The following USH2A variants were observed in gnomAD, a reference collection of about 807,000 sequenced individuals.
USH2A encodes the protein usherin, also known as Usher syndrome 2A (autosomal recessive, mild).
USH2A carries 443 observed loss-of-function variants against 538.9 expected under a neutral mutation model. That is an observed-to-expected ratio of 0.82 (90% CI 0.76 to 0.89). The LOEUF is 0.89. USH2A is among the 40% of genes least tolerant of loss of function. USH2A has a pLI of 0.00. For missense variants in USH2A, 6,633 were observed against 6,324.8 expected (o/e 1.05, Z -1.65); for synonymous variants, 2,413 against 2,273.5 (o/e 1.06, Z -1.75).
intron 35 of USH2A, among the ~76,000 whole-genome samples, chr1:215,973,576 C>T (rs748756876): frequency 1.3e-5 from 2 of 151,984 alleles, no homozygotes; most frequent in Non-Finnish European, 2.9e-5. Flanking sequence ...CTGCACCTTA[C>T]CAATTCTTGT....
chr1:215,957,793 G>T (rs1393611050), intron 37 of USH2A, among the ~76,000 whole-genome samples: 1 of 152,070 alleles, frequency 6.6e-6, no homozygotes, highest in East Asian at 1.9e-4. Context: ...AATTCAGATT[G>T]CTTGAAAAGA....
chr1:216,115,036 A>G (rs2032970807), intron 21 of USH2A, among the ~76,000 whole-genome samples: 1 of 152,128 alleles, frequency 6.6e-6, no homozygotes, highest in Non-Finnish European at 1.5e-5. Flanking sequence ...ATGTAGATAT[A>G]GGCATCTATG....
intron 47 of USH2A, among the ~76,000 whole-genome samples, chr1:215,836,492 ATATATAATATATAT>A (rs1178257625): frequency 0.11 from 2,156 of 20,082 alleles, 264 homozygotes; most frequent in East Asian, 0.37. Flanking sequence ...TATATATTAT[ATATATAATATATAT>A]TATATATATA....
chr1:216,053,972 T>C (rs1452429542), intron 30 of USH2A, among the ~76,000 whole-genome samples: 1 of 152,168 alleles, frequency 6.6e-6, no homozygotes, highest in Non-Finnish European at 1.5e-5. Context: ...CCAAACTCTG[T>C]GCACTCAGGG....
At chr1:216,396,143 A>C (rs1437209731) in intron 3 of USH2A, among the ~76,000 whole-genome samples, 3 of 152,230 alleles carry the variant, frequency 2.0e-5, no homozygotes, top group Non-Finnish European at 2.9e-5. Flanking sequence ...CAGTAAATAC[A>C]ATATGACTTA....
At chr1:216,004,167 C>T (rs1164064696) in intron 32 of USH2A, among the ~76,000 whole-genome samples, 1 of 151,932 alleles carries the variant, frequency 6.6e-6, no homozygotes, top group South Asian at 2.1e-4. Flanking sequence ...GTTAGATAAC[C>T]AAGAGGAGAT....
At chr1:216,126,918 A>T (rs1331773722) in intron 21 of USH2A, among the ~76,000 whole-genome samples, 1 of 152,212 alleles carries the variant, frequency 6.6e-6, no homozygotes. Context: ...AGCTGGAATA[A>T]GTTCTACTTC....
chr1:216,050,911 C>A (rs371318354), intron 30 of USH2A, among the ~76,000 whole-genome samples: 3 of 151,898 alleles, frequency 2.0e-5, no homozygotes, highest in South Asian at 4.1e-4. Flanking sequence ...GGCCGGCCGA[C>A]GCTTTGTATC....
At chr1:215,820,546 C>T (rs892552228) in intron 47 of USH2A, among the ~76,000 whole-genome samples, 9 of 151,692 alleles carry the variant, frequency 5.9e-5, no homozygotes, top group Admixed American at 5.3e-4. Context: ...ATGTAACTGG[C>T]ATATCCATCA....
chr1:216,272,443 A>G (rs548927554), intron 11 of USH2A, among the ~76,000 whole-genome samples: 80 of 152,148 alleles, frequency 5.3e-4, no homozygotes, highest in African/African-American at 1.9e-3. Context: ...GTTCATTTTC[A>G]CTATTTTTTG....
At chr1:216,226,575 T>C (rs2035566233) in intron 14 of USH2A, among the ~76,000 whole-genome samples, 1 of 152,198 alleles carries the variant, frequency 6.6e-6, no homozygotes, top group Admixed American at 6.5e-5. Context: ...TACATAAAAC[T>C]GACTTATCAC....
intron 9 of USH2A, among the ~76,000 whole-genome samples, chr1:216,304,950 T>C (rs1002281796): frequency 3.9e-5 from 6 of 152,064 alleles, no homozygotes; most frequent in African/African-American, 1.4e-4. Flanking sequence ...TGGTGTATCT[T>C]GGAGGATGTT....
intron 9 of USH2A, among the ~76,000 whole-genome samples, chr1:216,321,576 C>T (rs570198726): frequency 6.6e-6 from 1 of 152,084 alleles, no homozygotes; most frequent in Admixed American, 6.6e-5. Flanking sequence ...TATCCAAACA[C>T]ATTAAAAATT....
At position 215,671,088 on chromosome 1, in the gene USH2A, A is replaced by G. The variant is rs1040917329; in HGVS notation, c.14017T>C (p.Tyr4673His). 92 of 1,614,044 alleles carry G rather than the reference A, an allele frequency of 5.7e-5. No homozygotes were observed. In the East Asian group the frequency reaches 1.8e-3, roughly 32 times the overall value. ...PNGKVLYYELYRRQIATQPRK... is the reference protein window; with the variant it reads ...PNGKVLYYELHRRQIATQPRK... ...GGCTGAGTTGCTATTTGTCTTCTGT[A>G]TAATTCGTAATACAAAACTTTTCCA... The change falls in exon 64 of 72, where the codon TAC becomes CAC. Residue 4673 changes from tyrosine to histidine, a missense_variant. By Grantham distance (83) the Tyr-to-His change is moderately conservative (BLOSUM62 2). Coordinates refer to ENST00000307340, the MANE Select transcript of USH2A (RefSeq NM_206933.4).
At chr1:215,738,554 G>A (rs897652835) in intron 60 of USH2A, among the ~76,000 whole-genome samples, 5 of 152,000 alleles carry the variant, frequency 3.3e-5, no homozygotes, top group African/African-American at 9.7e-5. Flanking sequence ...CTTTGTTTTT[G>A]AAGTCATAAA....
chr1:215,759,369 GT>G (rs948161065), intron 57 of USH2A, among the ~76,000 whole-genome samples: 26 of 152,072 alleles, frequency 1.7e-4, no homozygotes, highest in Admixed American at 2.0e-4. Flanking sequence ...AAGGATGCGT[GT>G]TTTTGAAGAT....
intron 47 of USH2A, among the ~76,000 whole-genome samples, chr1:215,823,029 G>A (rs1313367150): frequency 6.6e-6 from 1 of 151,924 alleles, no homozygotes; most frequent in Non-Finnish European, 1.5e-5. Context: ...TATTGTTTTT[G>A]ATAAATTTGT....
At chr1:215,707,304 C>T (rs529683333) in intron 61 of USH2A, among the ~76,000 whole-genome samples, 19 of 152,228 alleles carry the variant, frequency 1.2e-4, no homozygotes, top group South Asian at 6.2e-4. Context: ...AGAGCCCAGG[C>T]GCTTTAATCA....
At chr1:215,938,538 G>C (rs1666560548) in intron 37 of USH2A, among the ~76,000 whole-genome samples, 1 of 152,116 alleles carries the variant, frequency 6.6e-6, no homozygotes, top group South Asian at 2.1e-4. Context: ...CGTTGGTTCA[G>C]CCTCAAAAAT....
Sources: allele counts gnomAD v4.1 joint callset (sites outside exome capture counted in the v4.1 genomes callset), GRCh38; gene constraint gnomAD v4.1.1; transcripts MANE v1.5; gene names NCBI Gene and HGNC (gene_info 2026-07-23, HGNC 2026-07-21).